Variants in SPATA13 observed in about 807,000 individuals in gnomAD.
The protein encoded by SPATA13 is spermatogenesis-associated protein 13.
Under a neutral mutation model 104.0 loss-of-function variants are expected in SPATA13, and 50 were observed. The observed-to-expected ratio is 0.48, with a 90% CI of 0.38 to 0.61. SPATA13 has a LOEUF of 0.61. Among genes scored for constraint, SPATA13 ranks in the 20% least tolerant of loss-of-function variants. The pLI is 0.00. For missense variants in SPATA13, 1,524 were observed against 1,690.6 expected (o/e 0.90, Z 1.73); for synonymous variants, 606 against 667.5 (o/e 0.91, Z 1.42).
chr13:24,300,012 A>G (rs1566204052), intron 11 of SPATA13, among the ~76,000 whole-genome samples: 1 of 152,198 alleles, frequency 6.6e-6, no homozygotes. Flanking sequence ...CAAAGCTCTC[A>G]TAGCGTATGG....
At chr13:23,995,644 A>G (rs1368646792) in intron 2 of SPATA13, among the ~76,000 whole-genome samples, 2 of 152,226 alleles carry the variant, frequency 1.3e-5, no homozygotes, top group African/African-American at 4.8e-5. Flanking sequence ...AATCAAATCT[A>G]ATTTTGTAAT....
At position 24,200,121 on chromosome 13, in the gene SPATA13, G is replaced by A. The variant is rs147392289; in HGVS notation, c.-111-22698G>A. ...CCAGACTTGTACAAACCCCTTCAAC[G>A]GGCATTTTCTTAATTTAACCCAACT... On this transcript the variant is annotated intron_variant, in intron 1 of 12. Coordinates refer to ENST00000382108, the MANE Select transcript of SPATA13 (RefSeq NM_001166271.3). Among the ~76,000 whole-genome samples the A allele has an allele frequency of 2.1e-3, 312 of 152,172 alleles. 3 individuals carry two copies. The highest frequency in any genetic ancestry group is 7.2e-3 in the African/African-American group (300 of 41,526).
At chr13:24,143,527 G>A (rs1353443092) in intron 3 of SPATA13, among the ~76,000 whole-genome samples, 1 of 152,166 alleles carries the variant, frequency 6.6e-6, no homozygotes, top group African/African-American at 2.4e-5. Flanking sequence ...ATGAGTGACC[G>A]AAAGCAGAAA....
chr13:24,047,941 C>T (rs1303235719), intron 3 of SPATA13, among the ~76,000 whole-genome samples: 1 of 152,194 alleles, frequency 6.6e-6, no homozygotes, highest in African/African-American at 2.4e-5. Context: ...CTGGTCCAAG[C>T]CCAAAGGCCC....
At chr13:24,155,437 T>G (rs1882229690) in intron 3 of SPATA13, among the ~76,000 whole-genome samples, 2 of 152,128 alleles carry the variant, frequency 1.3e-5, no homozygotes, top group East Asian at 3.9e-4. Flanking sequence ...AAGAGAATAC[T>G]GCTTGTGAAG....
At chr13:24,237,991 A>AT (rs1872654161) in intron 2 of SPATA13, among the ~76,000 whole-genome samples, 4 of 95,768 alleles carry the variant, frequency 4.2e-5, no homozygotes, top group Non-Finnish European at 6.8e-5. Flanking sequence ...AAACATGTAT[A>AT]ATATATATAT....
rs557116340 is a variant in SPATA13, at chr13:24,068,004, T to A, written c.-112+50303T>A. ...TAGTTGTTTTGTTTTTAATTAAAAT[T>A]GTTTTTTATCTTTTATTTTAAGTTC... On this transcript the variant is annotated intron_variant, in intron 3 of 14. Coordinates refer to the SPATA13 transcript ENST00000424834. Among the ~76,000 whole-genome samples the A allele has an allele frequency of 2.0e-5, 3 of 152,312 alleles. No homozygotes were observed. In the South Asian group the frequency reaches 6.2e-4, roughly 32 times the overall value.
Position 24,223,797 on chromosome 13 carries a change from C to A in SPATA13, c.868C>A (p.Leu290Met). ...TGACGCACGGGTACCACAGAGGACC[C>A]TGAGCAGTTCCTCCACTGACTCCCA... ...AHDARVPQRT[L>M]SSSSTDSQKL... The change falls in exon 2 of 13, where the codon CTG (leucine) becomes ATG (methionine). Residue 290 changes from leucine (L) to methionine (M), a missense_variant. Transcript: ENST00000382108. 6.4e-7 allele frequency: 1 copy of A among 1,551,822 alleles called. No individual in the cohort carries two copies. The highest frequency in any genetic ancestry group is 8.7e-7 in the Non-Finnish European group (1 of 1,147,014).
intron 2 of SPATA13, among the ~76,000 whole-genome samples, chr13:23,984,981 G>A (rs1875086453): frequency 6.6e-6 from 1 of 152,212 alleles, no homozygotes; most frequent in South Asian, 2.1e-4. Flanking sequence ...CAGGAGGTGA[G>A]CTGGTCTCTT....
In SPATA13 at chr13:24,051,606, G is replaced by A. The variant is rs1211773418; in HGVS notation, c.-112+33905G>A. Reference sequence around the variant, plus strand: ...GTCTCCCTGCTGGTCTAGTAGAGTGGAGCCAGCGGAGACAATGCTCCCTGT... The same window carrying A: ...GTCTCCCTGCTGGTCTAGTAGAGTGAAGCCAGCGGAGACAATGCTCCCTGT... On this transcript the variant is annotated intron_variant, in intron 3 of 14. Transcript: ENST00000424834. The surrounding 1 kb of genome is among the most constrained non-coding windows in gnomAD (Gnocchi z 4.2). 6.6e-6 allele frequency among the ~76,000 whole-genome samples: 1 copy of A among 152,146 alleles called. No homozygotes were observed. Among genetic ancestry groups the A allele is most frequent in the Non-Finnish European group, 1.5e-5 (1 of 68,040 alleles).
chr13:24,177,508 A>G (rs1228955417), intron 1 of SPATA13, among the ~76,000 whole-genome samples: 1 of 152,132 alleles, frequency 6.6e-6, no homozygotes, highest in East Asian at 1.9e-4. Flanking sequence ...TTTTTTAGAC[A>G]CAGTCTTACT....
At chr13:24,197,638 TTAG>T (rs1870139890) in intron 1 of SPATA13, among the ~76,000 whole-genome samples, 1 of 152,192 alleles carries the variant, frequency 6.6e-6, no homozygotes, top group South Asian at 2.1e-4. Flanking sequence ...TTACCTCTAA[TTAG>T]TAGTAAATAG....
chr13:24,062,435 G>A lies in SPATA13; in HGVS notation c.-112+44734G>A, dbSNP rs59307721. ...CAGGATGAAATTCTTCTCCAATGGC[G>A]CCAGGGTGCACGGTGCTGGGAGCCA... On this transcript the variant is annotated intron_variant, in intron 3 of 14. Transcript: ENST00000424834. 6.7e-3 allele frequency among the ~76,000 whole-genome samples: 1,025 copies of A among 152,248 alleles called. 12 individuals carry two copies. The highest frequency in any genetic ancestry group is 0.024 in the African/African-American group (985 of 41,538).
intron 3 of SPATA13, among the ~76,000 whole-genome samples, chr13:24,087,298 C>A (rs537125835): frequency 7.2e-5 from 11 of 152,278 alleles, no homozygotes; most frequent in Non-Finnish European, 1.5e-4. Context: ...CTGCTACCCA[C>A]CCCCTGCACA....
chr13:24,224,377 G>T lies in SPATA13; in HGVS notation c.1448G>T (p.Gly483Val). The T allele has an allele frequency of 5.2e-6, 8 of 1,551,722 alleles. No individual in the cohort carries two copies. The highest frequency in any genetic ancestry group is 7.0e-6 in the Non-Finnish European group (8 of 1,147,006). ...SPQSPQSPGAGSASCHSNHSA... is the reference protein window; with the variant it reads ...SPQSPQSPGAVSASCHSNHSA... ...CAGAGCCCCCAGAGCCCCGGGGCAG[G>T]AAGTGCCAGCTGTCACAGCAATCAC... The change falls in exon 2 of 13, where the codon GGA becomes GTA. Residue 483 changes from glycine to valine, a missense_variant. By Grantham distance (109) the Gly-to-Val change is moderately radical (BLOSUM62 -3). This residue lies in a region of SPATA13 where 1,089 missense variants were observed against 1,135.9 expected (regional missense o/e 0.96). Coordinates refer to ENST00000382108, the MANE Select transcript of SPATA13 (RefSeq NM_001166271.3).
intron 1 of SPATA13, among the ~76,000 whole-genome samples, chr13:24,169,313 C>A (rs980514618): frequency 1.3e-5 from 2 of 152,076 alleles, no homozygotes; most frequent in African/African-American, 4.8e-5. Context: ...TGGAAAGCTC[C>A]CCTTGAGTTG....
At chr13:24,179,677 C>T (rs942468310) in intron 1 of SPATA13, among the ~76,000 whole-genome samples, 3 of 152,270 alleles carry the variant, frequency 2.0e-5, no homozygotes, top group African/African-American at 7.2e-5. Flanking sequence ...CACTTTTTCC[C>T]ATCTGCTTTA....
At chr13:24,248,172 G>T (rs1306604886) in intron 2 of SPATA13, among the ~76,000 whole-genome samples, 1 of 152,232 alleles carries the variant, frequency 6.6e-6, no homozygotes, top group African/African-American at 2.4e-5. Flanking sequence ...GCTTTGAGGG[G>T]TCTGCTCAGA....
At chr13:24,187,468 C>T (rs1869221905) in intron 1 of SPATA13, among the ~76,000 whole-genome samples, 1 of 152,140 alleles carries the variant, frequency 6.6e-6, no homozygotes, top group Admixed American at 6.5e-5. Context: ...TTTATTCTGC[C>T]TAGCTTTATT....
Sources: gnomAD v4.1 joint callset for allele counts (sites outside exome capture counted in the v4.1 genomes callset) on GRCh38, gnomAD v4.1.1 for gene constraint, gnomAD v4.1.1 regional missense constraint, Gnocchi (gnomAD v3.1) non-coding constraint, MANE v1.5 for transcripts, NCBI Gene and HGNC (gene_info 2026-07-23, HGNC 2026-07-21) for gene names.